The following GMEB1 variants were observed in gnomAD, a reference collection of about 807,000 sequenced individuals.
GMEB1 encodes the protein glucocorticoid modulatory element-binding protein 1.
A neutral mutation model predicts 52.4 loss-of-function variants in GMEB1; 6 were observed. That is an observed-to-expected ratio of 0.11 (90% confidence interval 0.06 to 0.23). GMEB1 has a LOEUF of 0.23. Ranked by LOEUF, GMEB1 falls within the 10% of genes least tolerant of loss-of-function variation. The probability of loss-of-function intolerance (pLI) is 1.00; values close to 1 mark genes in which losing one functional copy is unlikely to be tolerated. For missense variants in GMEB1, 486 were observed against 685.6 expected (o/e 0.71, Z 3.25); for synonymous variants, 255 against 244.9 (o/e 1.04, Z -0.38).
At chr1:28,692,297 T>G (rs553828801) in intron 4 of GMEB1, among the ~76,000 whole-genome samples, 1 of 152,126 alleles carries the variant, frequency 6.6e-6, no homozygotes, top group East Asian at 1.9e-4. Flanking sequence ...TTTGGGAGGC[T>G]GAGGTGAGTG....
intron 1 of GMEB1, among the ~76,000 whole-genome samples, chr1:28,679,932 A>G (rs1570386730): frequency 6.6e-6 from 1 of 152,014 alleles, no homozygotes; most frequent in South Asian, 2.1e-4. Context: ...GAGCCTCCCA[A>G]GTAGCTGGGA....
intron 1 of GMEB1, among the ~76,000 whole-genome samples, chr1:28,669,278 G>T (rs183907574): frequency 2.0e-5 from 3 of 151,852 alleles, no homozygotes; most frequent in East Asian, 2.0e-4. Context: ...CGAGGGGTCC[G>T]GGGAGCCTGG....
At chr1:28,707,900 A>T (rs1160740950) in intron 8 of GMEB1, among the ~76,000 whole-genome samples, 4 of 144,236 alleles carry the variant, frequency 2.8e-5, no homozygotes, top group Admixed American at 7.0e-5. Flanking sequence ...AATACTGACA[A>T]TTTTTTTTTT....
intron 3 of GMEB1, among the ~76,000 whole-genome samples, chr1:28,690,904 C>T (rs866028224): frequency 8.6e-5 from 13 of 151,920 alleles, no homozygotes; most frequent in South Asian, 2.1e-4. Flanking sequence ...CCCTTGAACC[C>T]GGGAGGTGGA....
chr1:28,680,036 G>A (rs1288844101), intron 1 of GMEB1, among the ~76,000 whole-genome samples: 9 of 151,948 alleles, frequency 5.9e-5, no homozygotes, highest in African/African-American at 2.2e-4. Context: ...ACCAACTCCC[G>A]ACCTCAGGTG....
At position 28,697,001 on chromosome 1, in the gene GMEB1, A is replaced by G; in HGVS notation, c.515A>G (p.Lys172Arg). 1 of 1,611,028 alleles carries G rather than the reference A, an allele frequency of 6.2e-7. No homozygotes were observed. Among genetic ancestry groups the G allele is most frequent in the Non-Finnish European group, 8.5e-7 (1 of 1,178,426 alleles). Reference sequence around the variant, plus strand: ...TGCTCCAATACCTGCAGAAGCACCAAATTTGATCTTCTGATCAGCAGTGCA... The same window carrying G: ...TGCTCCAATACCTGCAGAAGCACCAGATTTGATCTTCTGATCAGCAGTGCA... ...KVCSNTCRST[K>R]FDLLISSARA... The change falls in exon 6 of 10, where the codon AAA (lysine) becomes AGA (arginine). Residue 172 changes from lysine to arginine, a missense_variant. Transcript: ENST00000373816.
At chr1:28,682,346 C>T (rs956907360) in intron 1 of GMEB1, among the ~76,000 whole-genome samples, 7 of 151,958 alleles carry the variant, frequency 4.6e-5, no homozygotes, top group Non-Finnish European at 7.4e-5. Context: ...AAGTCCCAGG[C>T]GTGGTGGCTC....
At chr1:28,676,282 A>T (rs1409313998) in intron 1 of GMEB1, among the ~76,000 whole-genome samples, 2 of 152,128 alleles carry the variant, frequency 1.3e-5, no homozygotes, top group African/African-American at 2.4e-5. Flanking sequence ...TGCCTAAGGT[A>T]TTATAGGTTG....
At chr1:28,706,659 C>CTTATTTAT (rs546303576) in intron 8 of GMEB1, among the ~76,000 whole-genome samples, 2 of 149,730 alleles carry the variant, frequency 1.3e-5, no homozygotes, top group Admixed American at 6.7e-5. Flanking sequence ...TCAGTGAATT[C>CTTATTTAT]TTATTTATTT....
intron 9 of GMEB1, among the ~76,000 whole-genome samples, chr1:28,712,521 A>G (rs911601558): frequency 2.0e-5 from 3 of 152,140 alleles, no homozygotes; most frequent in Admixed American, 6.6e-5. Context: ...TCATCTCATT[A>G]AGATATAAAG....
chr1:28,690,312 T>C, intron 3 of GMEB1, 126 bp downstream of exon 3: 1 of 566,996 alleles, frequency 1.8e-6, no homozygotes, highest in Non-Finnish European at 3.1e-6. Flanking sequence ...CTGTGTGCCC[T>C]ACCAGTACTA....
In GMEB1 at chr1:28,716,468, A is replaced by T. The variant is rs1225938268; in HGVS notation, c.*1695A>T. On this transcript the variant is annotated 3_prime_UTR_variant, in exon 10 of 10. Transcript: ENST00000373816. ...CTCTTAATGGCATCTGTCTCCTAGA[A>T]CCCACGCTCTTCAGCTTTTTGGCTG... 3.3e-5 allele frequency: 5 copies of T among 151,866 alleles called. No individual in the cohort carries two copies. The highest frequency in any genetic ancestry group is 1.2e-4 in the African/African-American group (5 of 41,298). The allele number at this position is 151,866 out of a possible 1,614,324, so 9.4% of individuals were successfully genotyped here.
intron 5 of GMEB1, among the ~76,000 whole-genome samples, chr1:28,694,109 C>G (rs1670088047): frequency 6.6e-6 from 1 of 150,924 alleles, no homozygotes; most frequent in South Asian, 2.1e-4. Flanking sequence ...CTGATTTTGG[C>G]TGTGTTAAGA....
In GMEB1 at chr1:28,680,518, C is replaced by T. The variant is rs983060909; in HGVS notation, c.-30-3065C>T. The stretch of plus-strand genomic sequence containing the variant: ...TTGGGAGGCTGAGGTAGGCGGATCA[C>T]GAGGTCAAGAGATCAAGACCATCCT... On this transcript the variant is annotated intron_variant, in intron 1 of 9. Transcript: ENST00000373816. 5.9e-5 allele frequency among the ~76,000 whole-genome samples: 9 copies of T among 151,966 alleles called. No homozygotes were observed. The East Asian group carries it at 9.7e-4, about 16-fold the overall frequency.
chr1:28,698,686 A>AG (rs1670349239), intron 6 of GMEB1, among the ~76,000 whole-genome samples: 1 of 151,454 alleles, frequency 6.6e-6, no homozygotes, highest in Non-Finnish European at 1.5e-5. Context: ...AAAAAAAAAA[A>AG]AAAGAAAAAT....
At position 28,702,479 on chromosome 1, in the gene GMEB1, G is replaced by A. The variant is rs956783059; in HGVS notation, c.640G>A (p.Glu214Lys). ...QIAISEESME[E>K]AGLEWNSALT... The stretch of plus-strand genomic sequence containing the variant: ...TGCCATCTCAGAAGAGAGCATGGAA[G>A]AGGCAGGGCTGGAATGGAACTCAGC... The change falls in exon 7 of 10, where the codon GAG (glutamate) becomes AAG (lysine). Residue 214 changes from glutamate to lysine, a missense_variant. Coordinates refer to ENST00000373816, the MANE Select transcript of GMEB1 (RefSeq NM_001319674.2). The A allele has an allele frequency of 1.4e-5, 23 of 1,613,324 alleles. No individual in the cohort carries two copies. Among genetic ancestry groups the A allele is most frequent in the Non-Finnish European group, 1.9e-5 (22 of 1,179,478 alleles).
At chr1:28,677,874 T>A (rs1669226312) in intron 1 of GMEB1, among the ~76,000 whole-genome samples, 1 of 151,162 alleles carries the variant, frequency 6.6e-6, no homozygotes, top group Admixed American at 6.6e-5. Context: ...GAGTGGAGAG[T>A]TTAATAGGCA....
rs556473408 is a variant in GMEB1, at chr1:28,691,280, A to G, written c.212-305A>G. ...GCCACTGCACTCCAGCCTGGGTGAC[A>G]GAGTGAGACTCCATCTCAAAAAAGA... On this transcript the variant is annotated intron_variant, in intron 3 of 9. Coordinates refer to ENST00000373816, the MANE Select transcript of GMEB1 (RefSeq NM_001319674.2). Among the ~76,000 whole-genome samples, 12 of 152,276 alleles carry G rather than the reference A, an allele frequency of 7.9e-5. No individual in the cohort carries two copies. In the East Asian group the frequency reaches 1.9e-3, roughly 24 times the overall value.
intron 8 of GMEB1, among the ~76,000 whole-genome samples, chr1:28,709,663 C>G (rs1001004231): frequency 2.0e-5 from 3 of 152,140 alleles, no homozygotes; most frequent in African/African-American, 7.2e-5. Context: ...TAACGTCTGC[C>G]TCCTGGGTTC....
Sources: gnomAD v4.1 joint callset for allele counts (sites outside exome capture counted in the v4.1 genomes callset) on GRCh38, gnomAD v4.1.1 for gene constraint, MANE v1.5 for transcripts, NCBI Gene and HGNC (gene_info 2026-07-23, HGNC 2026-07-21) for gene names.